The following KIAA1217 variants were observed in gnomAD, a reference collection of about 807,000 sequenced individuals.
KIAA1217 encodes the protein KIAA1217.
KIAA1217 carries 88 observed loss-of-function variants against 163.9 expected under a neutral mutation model. The observed-to-expected ratio is 0.54, with a 90% confidence interval of 0.45 to 0.64. The LOEUF (loss-of-function observed/expected upper bound fraction) is 0.64, where lower values mean the gene tolerates loss of function less well. Ranked by LOEUF, KIAA1217 falls within the 30% of genes least tolerant of loss-of-function variation. The pLI is 0.00. For missense variants in KIAA1217, 2,372 were observed against 2,475.0 expected, an observed-to-expected ratio of 0.96 and a Z score of 0.88; for synonymous variants, 903 against 923.1, an observed-to-expected ratio of 0.98 and a Z score of 0.39.
chr10:24,114,171 G>A (rs2062961392), intron 2 of KIAA1217, among the ~76,000 whole-genome samples: 1 of 152,282 alleles, frequency 6.6e-6, no homozygotes, highest in Non-Finnish European at 1.5e-5. Context: ...GGCTGCAAGG[G>A]AGTCTGAGGA....
In KIAA1217 at chr10:23,882,810, G is replaced by A. The variant is rs554581884; in HGVS notation, c.-320-124415G>A. ...CCTGCTCTTTGTGAGGTGTCATGGA[G>A]ATTGAAAAATATTTATGTGATTCCT... On this transcript the variant is annotated intron_variant, in intron 1 of 18. Coordinates refer to the KIAA1217 transcript ENST00000376462. 3.9e-5 allele frequency among the ~76,000 whole-genome samples: 6 copies of A among 152,028 alleles called. No individual in the cohort carries two copies. In the East Asian group the frequency reaches 5.9e-4, roughly 15 times the overall value.
At chr10:23,757,660 G>A (rs1334358167) in intron 1 of KIAA1217, among the ~76,000 whole-genome samples, 1 of 152,052 alleles carries the variant, frequency 6.6e-6, no homozygotes, top group East Asian at 1.9e-4. Flanking sequence ...AGGGATTACA[G>A]GTGCATGCCA....
At chr10:24,328,680 C>T (rs551421276) in intron 2 of KIAA1217, among the ~76,000 whole-genome samples, 113 of 151,912 alleles carry the variant, frequency 7.4e-4, no homozygotes, top group Non-Finnish European at 1.2e-3. Context: ...TTTTTATAAC[C>T]GCAAAATATC....
In KIAA1217 at chr10:24,545,915, G is replaced by A. The variant is rs545180311; in HGVS notation, c.5423G>A (p.Ser1808Asn). 35 of 1,614,066 alleles carry A rather than the reference G, an allele frequency of 2.2e-5. No individual in the cohort carries two copies. In the Middle Eastern group the frequency reaches 6.6e-4, roughly 30 times the overall value. Residue 1808 changes from serine (S) to asparagine (N), a missense_variant, in exon 21 of 21, where the codon AGC becomes AAC. By Grantham distance (46) the Ser-to-Asn change is conservative. Around this residue, in one of 3 missense-constraint regions of KIAA1217, gnomAD observed 690 missense variants for 677.5 expected, o/e 1.02. Coordinates refer to ENST00000376454, the MANE Select transcript of KIAA1217 (RefSeq NM_019590.5). The part of the protein sequence containing the change: ...PASKIPALSP[S>N]SGKSSSLPSS... ...TCTAAGATTCCAGCCCTTTCTCCCA[G>A]CTCTGGGAAAAGCAGTTCTCTGCCC... is the stretch of plus-strand genomic sequence containing the variant.
rs547168756 is a variant in KIAA1217, at chr10:24,281,783, G to A, written c.354+61874G>A. Reference sequence around the variant, plus strand: ...ATATCAAGAGTAACAATAATCGGCCGGGCTCGGTGGCTCACGCCTGTAATC... The same window carrying A: ...ATATCAAGAGTAACAATAATCGGCCAGGCTCGGTGGCTCACGCCTGTAATC... On this transcript the variant is annotated intron_variant, in intron 2 of 20. Coordinates refer to ENST00000376454, the MANE Select transcript of KIAA1217 (RefSeq NM_019590.5). 1.2e-3 allele frequency among the ~76,000 whole-genome samples: 187 copies of A among 152,178 alleles called. 1 individual carries two copies. The highest frequency in any genetic ancestry group is 2.4e-3 in the African/African-American group (101 of 41,534).
chr10:24,257,120 T>C (rs1204308442), intron 2 of KIAA1217, among the ~76,000 whole-genome samples: 1 of 152,180 alleles, frequency 6.6e-6, no homozygotes, highest in Non-Finnish European at 1.5e-5. Flanking sequence ...GGTGGCCTAA[T>C]GGGAAAAGGC....
At chr10:24,469,098 T>G (rs937137862) in intron 5 of KIAA1217, among the ~76,000 whole-genome samples, 2 of 148,164 alleles carry the variant, frequency 1.3e-5, no homozygotes, top group African/African-American at 4.9e-5. Flanking sequence ...AGTTCTATAC[T>G]CTCTAGAATA....
chr10:24,339,426 G>A (rs1249845622), intron 2 of KIAA1217, among the ~76,000 whole-genome samples: 3 of 152,300 alleles, frequency 2.0e-5, no homozygotes, highest in East Asian at 3.9e-4. Context: ...GTCACCTCTT[G>A]TAAAGAATTT....
At chr10:24,061,119 AAT>A (rs1212787861) in intron 2 of KIAA1217, among the ~76,000 whole-genome samples, 1 of 152,118 alleles carries the variant, frequency 6.6e-6, no homozygotes, top group African/African-American at 2.4e-5. Context: ...TTAAAAAATT[AAT>A]ATGTTTTGAT....
intron 1 of KIAA1217, among the ~76,000 whole-genome samples, chr10:23,854,319 T>G (rs149363346): frequency 2.6e-4 from 40 of 152,024 alleles, no homozygotes; most frequent in Non-Finnish European, 5.0e-4. Flanking sequence ...TGTAGTTGAG[T>G]GGTTTTGAGT....
chr10:24,088,343 C>T (rs1330869283), intron 2 of KIAA1217, among the ~76,000 whole-genome samples: 5 of 115,314 alleles, frequency 4.3e-5, no homozygotes, highest in African/African-American at 5.3e-5. Context: ...ATGTGCACAA[C>T]GTGCAGGTTT....
At chr10:23,890,082 G>A (rs1841356551) in intron 1 of KIAA1217, among the ~76,000 whole-genome samples, 1 of 151,554 alleles carries the variant, frequency 6.6e-6, no homozygotes, top group Admixed American at 6.6e-5. Flanking sequence ...GAATCATCTG[G>A]AAAACTTTAG....
At chr10:24,429,073 CCAA>C (rs1372514521) in intron 3 of KIAA1217, among the ~76,000 whole-genome samples, 1 of 152,082 alleles carries the variant, frequency 6.6e-6, no homozygotes, top group Non-Finnish European at 1.5e-5. Flanking sequence ...CACTGAGAAA[CCAA>C]CTTTATAGAG....
chr10:23,994,651 T>C (rs981948346), intron 1 of KIAA1217, among the ~76,000 whole-genome samples: 3 of 152,192 alleles, frequency 2.0e-5, no homozygotes, highest in Admixed American at 6.5e-5. Context: ...TTCAGCATCA[T>C]CCCACCAGGG....
intron 2 of KIAA1217, among the ~76,000 whole-genome samples, chr10:24,265,704 G>C (rs1007466712): frequency 6.6e-6 from 1 of 152,012 alleles, no homozygotes; most frequent in Admixed American, 6.6e-5. Context: ...GTTTTGAACC[G>C]GGCATTATGC....
chr10:24,446,216 G>T lies in KIAA1217; in HGVS notation c.846+7737G>T, dbSNP rs540324697. Among the ~76,000 whole-genome samples, 203 of 152,018 alleles carry T rather than the reference G, an allele frequency of 1.3e-3. 1 individual carries two copies. Among genetic ancestry groups the T allele is most frequent in the African/African-American group, 4.5e-3 (187 of 41,482 alleles). On this transcript the variant is annotated intron_variant, in intron 5 of 20. Transcript: ENST00000376454. ...GTCTGTTCATATCCTTCACCCACTT[G>T]TTGATGGGGTTGTTTGTTTTTTTCT...
chr10:23,862,879 T>C lies in KIAA1217; in HGVS notation c.-320-144346T>C, dbSNP rs1840020796. ...TTGATGCTACATTCCTTGAAAAATA[T>C]TAATATTTACCATTTCTTCTTCTTT... On this transcript the variant is annotated intron_variant, in intron 1 of 18. Coordinates refer to the KIAA1217 transcript ENST00000376462. Among the ~76,000 whole-genome samples, 3 of 152,158 alleles carry C rather than the reference T, an allele frequency of 2.0e-5. 1 individual carries two copies. The South Asian group carries it at 6.2e-4, about 32-fold the overall frequency.
intron 2 of KIAA1217, among the ~76,000 whole-genome samples, chr10:24,075,132 ACAC>A (rs2061328636): frequency 7.4e-6 from 1 of 135,544 alleles, no homozygotes; most frequent in African/African-American, 3.7e-5. Flanking sequence ...ACACACACAC[ACAC>A]ACACACACAC....
chr10:24,488,262 C>T (rs912554294), intron 6 of KIAA1217, among the ~76,000 whole-genome samples: 2 of 152,024 alleles, frequency 1.3e-5, no homozygotes, highest in Non-Finnish European at 2.9e-5. Flanking sequence ...GTTGAAGCTA[C>T]AAAGGATGGC....
Sources: gnomAD v4.1 joint callset for allele counts (sites outside exome capture counted in the v4.1 genomes callset) on GRCh38, gnomAD v4.1.1 for gene constraint, gnomAD v4.1.1 regional missense constraint, MANE v1.5 for transcripts, NCBI Gene and HGNC (gene_info 2026-07-23, HGNC 2026-07-21) for gene names.